Variants in NTNG2 observed in about 807,000 individuals in gnomAD.
NTNG2 encodes netrin-G2.
In NTNG2, 15 loss-of-function variants were observed where a neutral mutation model predicts 47.6. The observed-to-expected ratio is 0.32, with a 90% CI of 0.21 to 0.49. The LOEUF (loss-of-function observed/expected upper bound fraction) is 0.49. Among genes scored for constraint, NTNG2 ranks in the 20% least tolerant of loss-of-function variants. The pLI is 0.99. For synonymous variants in NTNG2, 307 were observed against 324.6 expected (o/e 0.95, Z 0.58); for missense variants, 578 against 764.6 (o/e 0.76, Z 2.88).
chr9:132,172,524 T>A (rs1836002038), intron 2 of NTNG2, among the ~76,000 whole-genome samples: 1 of 152,126 alleles, frequency 6.6e-6, no homozygotes, highest in African/African-American at 2.4e-5. Flanking sequence ...TGGGACCAAT[T>A]CTGTAACTTT....
chr9:132,194,348 C>T (rs1038888355), intron 2 of NTNG2, among the ~76,000 whole-genome samples: 3 of 152,216 alleles, frequency 2.0e-5, no homozygotes, highest in East Asian at 1.9e-4. Flanking sequence ...GGCTCCCTCA[C>T]GGGTCAAGCC....
At chr9:132,220,290 G>A (rs1184039361) in intron 3 of NTNG2, among the ~76,000 whole-genome samples, 1 of 152,004 alleles carries the variant, frequency 6.6e-6, no homozygotes, top group Non-Finnish European at 1.5e-5. Flanking sequence ...CATTCTGTGG[G>A]TTGTCTTTTC....
rs766629967 is a variant in NTNG2, at chr9:132,239,234, C to T, written c.1185C>T (p.Asn395=). 17 of 1,613,702 alleles carry T rather than the reference C, an allele frequency of 1.1e-5. 1 individual carries two copies. The highest frequency in any genetic ancestry group is 1.7e-5 in the Admixed American group (1 of 60,022). ...ACTGCCGGCTGGGCTACTACCGCAA[C>T]GGCTCGGCAGAGCTGGATGATGAGA... The part of the protein sequence containing the change: ...CQHCRLGYYR[N]GSAELDDENV... Residue 395 remains asparagine (N), a synonymous_variant, in exon 6 of 8, where the codon AAC becomes AAT. Coordinates refer to ENST00000393229, the MANE Select transcript of NTNG2 (RefSeq NM_032536.4).
At chr9:132,209,464 C>T (rs917717530) in intron 3 of NTNG2, among the ~76,000 whole-genome samples, 1 of 152,202 alleles carries the variant, frequency 6.6e-6, no homozygotes, top group Non-Finnish European at 1.5e-5. Flanking sequence ...GCCGGGGAGC[C>T]GGGCGGGCTG....
intron 2 of NTNG2, among the ~76,000 whole-genome samples, chr9:132,189,406 G>A (rs1377720746): frequency 7.6e-6 from 1 of 131,346 alleles, no homozygotes; most frequent in Non-Finnish European, 1.6e-5. Context: ...AAGTACGATT[G>A]GCTTAAAAAA....
rs891230507 is a variant in NTNG2, at chr9:132,208,188, G to A, written c.857+9579G>A. Among the ~76,000 whole-genome samples the A allele has an allele frequency of 6.6e-6, 1 of 152,002 alleles. No individual in the cohort carries two copies. The highest frequency in any genetic ancestry group is 1.5e-5 in the Non-Finnish European group (1 of 67,984). On this transcript the variant is annotated intron_variant, in intron 3 of 7. Coordinates refer to ENST00000393229, the MANE Select transcript of NTNG2 (RefSeq NM_032536.4). The surrounding 1 kb of genome is among the most constrained non-coding windows in gnomAD (Gnocchi z 4.0). The stretch of plus-strand genomic sequence containing the variant: ...TCAGGGAAGGCCCTCCAGGGAGGGG[G>A]GCTTTGAAGGAGAAACCTGAAGGGG...
Position 132,166,432 on chromosome 9 carries a change from A to G in NTNG2, c.-400A>G, listed in dbSNP as rs540667354. 1.2e-4 allele frequency: 29 copies of G among 242,516 alleles called. No homozygotes were observed. Among genetic ancestry groups the G allele is most frequent in the African/African-American group, 5.9e-4 (27 of 45,720 alleles). 15.0% of individuals were successfully genotyped at this position (242,516 alleles called of 1,614,324 possible). A position where few individuals can be genotyped will look rare whatever the true frequency, so the allele number is the denominator to read the frequency against. On this transcript the variant is annotated 5_prime_UTR_variant, in exon 2 of 8. Coordinates refer to ENST00000393229, the MANE Select transcript of NTNG2 (RefSeq NM_032536.4). ...ACCTGGATTGATTGGAAGGACAAAAATTAAAAGCAATCTGATCCAGCCTCA... is the reference window on the plus strand; with the variant it reads ...ACCTGGATTGATTGGAAGGACAAAAGTTAAAAGCAATCTGATCCAGCCTCA...
At chr9:132,224,830 TGCA>T (rs1840617214) in intron 3 of NTNG2, among the ~76,000 whole-genome samples, 2 of 152,228 alleles carry the variant, frequency 1.3e-5, no homozygotes, top group Admixed American at 1.3e-4. Context: ...CTCACCCGAC[TGCA>T]GTTACCAACT....
intron 2 of NTNG2, among the ~76,000 whole-genome samples, chr9:132,176,202 T>C (rs1310804889): frequency 6.6e-6 from 1 of 151,820 alleles, no homozygotes; most frequent in Non-Finnish European, 1.5e-5. Flanking sequence ...AAAAGTCTTA[T>C]TGTGTCTAAC....
chr9:132,198,909 A>G (rs949694252), intron 3 of NTNG2, among the ~76,000 whole-genome samples: 1 of 152,028 alleles, frequency 6.6e-6, no homozygotes, highest in Non-Finnish European at 1.5e-5. Flanking sequence ...TTGGGATGTT[A>G]TCTGGTACCT....
At chr9:132,192,614 AG>A (rs1452215043) in intron 2 of NTNG2, among the ~76,000 whole-genome samples, 3 of 152,040 alleles carry the variant, frequency 2.0e-5, no homozygotes, top group Admixed American at 6.6e-5. Context: ...AAACAAAACA[AG>A]AATAGAAGGA....
rs1213745145 is a variant in NTNG2, at chr9:132,208,536, A to G, written c.857+9927A>G. Among the ~76,000 whole-genome samples, 1 of 151,984 alleles carries G rather than the reference A, an allele frequency of 6.6e-6. No individual in the cohort carries two copies. Among genetic ancestry groups the G allele is most frequent in the African/African-American group, 2.4e-5 (1 of 41,372 alleles). ...AGCCTGGCCGGGTTCTGGCAGGGACAGGGGCTGTGATGTGGGCCGCCTGGA... is the reference window on the plus strand; with the variant it reads ...AGCCTGGCCGGGTTCTGGCAGGGACGGGGGCTGTGATGTGGGCCGCCTGGA... On this transcript the variant is annotated intron_variant, in intron 3 of 7. Transcript: ENST00000393229. This position sits in a 1 kb window ranked among gnomAD's most constrained non-coding sequence, Gnocchi z 4.0.
At chr9:132,181,863 C>G (rs561501167) in intron 2 of NTNG2, among the ~76,000 whole-genome samples, 11 of 152,358 alleles carry the variant, frequency 7.2e-5, no homozygotes, top group African/African-American at 2.6e-4. Flanking sequence ...CAGCCTGGGC[C>G]GCCCGGCCCG....
At chr9:132,191,920 C>T (rs1317792853) in intron 2 of NTNG2, among the ~76,000 whole-genome samples, 1 of 152,124 alleles carries the variant, frequency 6.6e-6, no homozygotes, top group Non-Finnish European at 1.5e-5. Flanking sequence ...TAAAAATCAG[C>T]GGTATGATTT....
At chr9:132,185,082 G>A (rs912364452) in intron 2 of NTNG2, among the ~76,000 whole-genome samples, 1 of 152,110 alleles carries the variant, frequency 6.6e-6, no homozygotes, top group Non-Finnish European at 1.5e-5. Context: ...GGCTGGGGGT[G>A]GGGAGGCTAG....
chr9:132,181,124 C>T (rs1439522667), intron 2 of NTNG2, among the ~76,000 whole-genome samples: 2 of 152,112 alleles, frequency 1.3e-5, no homozygotes, highest in Admixed American at 6.5e-5. Flanking sequence ...CACTCTGTCA[C>T]CCAGGCTGGA....
intron 3 of NTNG2, among the ~76,000 whole-genome samples, chr9:132,211,338 G>A (rs1839572947): frequency 6.6e-6 from 1 of 152,146 alleles, no homozygotes; most frequent in South Asian, 2.1e-4. Context: ...CTGGCGTCAG[G>A]ATTTGGTTTC....
Position 132,236,533 on chromosome 9 carries a change from C to T in NTNG2, c.1055-2571C>T, listed in dbSNP as rs1431624176. On this transcript the variant is annotated intron_variant, in intron 5 of 7. Transcript: ENST00000393229. The surrounding 1 kb of genome is among the most constrained non-coding windows in gnomAD (Gnocchi z 4.3). ...ATGTTCAAATTTCCTCCAGCCCCAG[C>T]TCTGAGCAGCGAGCAGGGCTTTGAG... Among the ~76,000 whole-genome samples, 1 of 152,250 alleles carries T rather than the reference C, an allele frequency of 6.6e-6. No individual in the cohort carries two copies. The highest frequency in any genetic ancestry group is 2.4e-5 in the African/African-American group (1 of 41,464).
intron 5 of NTNG2, among the ~76,000 whole-genome samples, chr9:132,235,369 G>T (rs1446931680): frequency 5.9e-5 from 9 of 152,178 alleles, no homozygotes; most frequent in Admixed American, 5.2e-4. Context: ...AGTGTAGAAG[G>T]GTCTCGCTGA....
Sources: gnomAD v4.1 joint callset for allele counts (sites outside exome capture counted in the v4.1 genomes callset) on GRCh38, gnomAD v4.1.1 for gene constraint, Gnocchi (gnomAD v3.1) non-coding constraint, MANE v1.5 for transcripts, NCBI Gene and HGNC (gene_info 2026-07-23, HGNC 2026-07-21) for gene names.